Variants in CCDC175 observed in about 807,000 individuals in gnomAD.
CCDC175 encodes coiled-coil domain-containing protein 175.
CCDC175 carries 100 observed loss-of-function variants against 114.6 expected under a neutral mutation model. That is an observed-to-expected ratio of 0.87 (90% CI 0.74 to 1.03). The LOEUF (loss-of-function observed/expected upper bound fraction) is 1.03, where lower values mean the gene tolerates loss of function less well. CCDC175 is among the 50% of genes least tolerant of loss of function. The probability of loss-of-function intolerance (pLI) is 0.00; values close to 1 mark genes in which losing one functional copy is unlikely to be tolerated. For synonymous variants in CCDC175, 306 were observed against 308.7 expected, an observed-to-expected ratio of 0.99 and a Z score of 0.09; for missense variants, 880 against 917.8, an observed-to-expected ratio of 0.96 and a Z score of 0.53.
intron 6 of CCDC175, among the ~76,000 whole-genome samples, chr14:59,561,633 C>A (rs1566632619): frequency 6.6e-6 from 1 of 152,024 alleles, no homozygotes; most frequent in Non-Finnish European, 1.5e-5. Flanking sequence ...TCTTTTGTCT[C>A]CCTTGATATC....
chr14:59,534,182 A>G (rs953964064), intron 13 of CCDC175, among the ~76,000 whole-genome samples: 2 of 152,228 alleles, frequency 1.3e-5, no homozygotes, highest in East Asian at 3.9e-4. Flanking sequence ...ACTGTGGGGT[A>G]CTAGGTTCAG....
intron 7 of CCDC175, among the ~76,000 whole-genome samples, chr14:59,557,706 C>T (rs866284628): frequency 6.6e-6 from 1 of 151,694 alleles, no homozygotes; most frequent in Non-Finnish European, 1.5e-5. Flanking sequence ...CCCCATCTCC[C>T]CATATAACAT....
chr14:59,564,959 C>T (rs995918767), intron 5 of CCDC175, 88 bp downstream of exon 5: 14 of 1,044,758 alleles, frequency 1.3e-5, no homozygotes, highest in South Asian at 1.7e-5. Flanking sequence ...GGCTGCTTGC[C>T]AGCCTTGAGG....
Position 59,574,940 on chromosome 14 carries a change from T to C in CCDC175, c.243+3A>G, listed in dbSNP as rs1397936863. 5.7e-6 allele frequency: 8 copies of C among 1,401,138 alleles called. No individual in the cohort carries two copies. The highest frequency in any genetic ancestry group is 2.3e-5 in the Admixed American group (1 of 44,342). The allele number at this position is 1,401,138 out of a possible 1,614,324, so 86.8% of individuals were successfully genotyped here. ...GAAATGGTTCTTATAGATAATACAA[T>C]ACCAATTTCTTAACAGCTACAGCAA... On this transcript the variant is annotated splice_donor_region_variant and intron_variant, in intron 2 of 19. Transcript: ENST00000537690.
intron 5 of CCDC175, among the ~76,000 whole-genome samples, chr14:59,564,642 C>G (rs1202386225): frequency 6.6e-6 from 1 of 152,036 alleles, no homozygotes; most frequent in Non-Finnish European, 1.5e-5. Flanking sequence ...TGCTGCTGCT[C>G]TCTCTGATTC....
chr14:59,558,975 AG>A (rs1200731273), intron 7 of CCDC175, among the ~76,000 whole-genome samples: 1 of 152,176 alleles, frequency 6.6e-6, no homozygotes, highest in Non-Finnish European at 1.5e-5. Context: ...AGCTAAGTGA[AG>A]GAAGTACAAG....
chr14:59,546,274 A>G (rs1393720445), intron 8 of CCDC175, among the ~76,000 whole-genome samples: 2 of 152,226 alleles, frequency 1.3e-5, no homozygotes, highest in Non-Finnish European at 2.9e-5. Flanking sequence ...TTAGGTATAC[A>G]TGGACACAAA....
At position 59,551,379 on chromosome 14, in the gene CCDC175, AT is replaced by A; in HGVS notation, c.1010del (p.Asn337MetfsTer4). 1.2e-5 allele frequency: 18 copies of A among 1,441,742 alleles called. No individual in the cohort carries two copies. The highest frequency in any genetic ancestry group is 4.0e-5 in the South Asian group (3 of 75,012). The allele number at this position is 1,441,742 out of a possible 1,614,324, so 89.3% of individuals were successfully genotyped here. A position where few individuals can be genotyped will look rare whatever the true frequency, so the allele number is the denominator to read the frequency against. On this transcript the variant is annotated frameshift_variant, in exon 8 of 20. Coordinates refer to ENST00000537690, the MANE Select transcript of CCDC175 (RefSeq NM_001164399.2). LOFTEE classifies it high-confidence loss of function. The part of the protein sequence containing the change: ...KLDDISNDEK[N>X]EFLNKIKQLV... ...CCTGTTTTATCTTGTTCAGGAATTC[AT>A]TTTTTTCATCATTAGATATATCATC...
intron 16 of CCDC175, among the ~76,000 whole-genome samples, chr14:59,524,868 C>T (rs1893654814): frequency 6.6e-6 from 1 of 152,108 alleles, no homozygotes; most frequent in Non-Finnish European, 1.5e-5. Flanking sequence ...TCATACAGTG[C>T]AATACTATAC....
At chr14:59,521,023 A>G (rs1009210861) in intron 17 of CCDC175, among the ~76,000 whole-genome samples, 16 of 152,250 alleles carry the variant, frequency 1.1e-4, no homozygotes, top group Admixed American at 3.3e-4. Flanking sequence ...TTATATGTAA[A>G]GAACACTGTA....
chr14:59,526,930 GC>G (rs1461198813), intron 15 of CCDC175, among the ~76,000 whole-genome samples, 164 bp downstream of exon 15: 1 of 152,042 alleles, frequency 6.6e-6, no homozygotes, highest in Non-Finnish European at 1.5e-5. Context: ...GTATACATGT[GC>G]ATATATATGT....
At chr14:59,518,473 A>C (rs1276508513) in intron 17 of CCDC175, among the ~76,000 whole-genome samples, 2 of 152,210 alleles carry the variant, frequency 1.3e-5, no homozygotes, top group Non-Finnish European at 2.9e-5. Context: ...ACAAATTTAC[A>C]AGAAAAAAAC....
At chr14:59,574,196 G>T (rs565270069) in intron 2 of CCDC175, among the ~76,000 whole-genome samples, 1 of 152,202 alleles carries the variant, frequency 6.6e-6, no homozygotes, top group South Asian at 2.1e-4. Flanking sequence ...AGTAGTAAGA[G>T]TTTTATCAGC....
At chr14:59,536,021 G>GA (rs1365809210) in intron 13 of CCDC175, among the ~76,000 whole-genome samples, 1 of 152,322 alleles carries the variant, frequency 6.6e-6, no homozygotes, top group Middle Eastern at 3.4e-3. Context: ...GAGCTCCCCA[G>GA]AGAGAGTTTG....
chr14:59,541,220 G>A (rs1894763757), intron 10 of CCDC175, among the ~76,000 whole-genome samples: 1 of 152,156 alleles, frequency 6.6e-6, no homozygotes, highest in South Asian at 2.1e-4. Context: ...ACACATTGTT[G>A]AGGAACTCCA....
intron 13 of CCDC175, among the ~76,000 whole-genome samples, chr14:59,534,092 A>C (rs1266586122): frequency 6.6e-6 from 1 of 151,918 alleles, no homozygotes; most frequent in Non-Finnish European, 1.5e-5. Context: ...GCATTAATTC[A>C]TTCCATTGCC....
chr14:59,570,153 A>G (rs945640750), intron 3 of CCDC175, among the ~76,000 whole-genome samples: 9 of 151,186 alleles, frequency 6.0e-5, no homozygotes, highest in African/African-American at 2.2e-4. Flanking sequence ...GAGGTGCCTC[A>G]TTGGTGGCTG....
At position 59,551,199 on chromosome 14, in the gene CCDC175, G is replaced by A. The variant is rs75733263; in HGVS notation, c.1035+156C>T. ...TCTTTGATATAATTAAAGTACTTTG[G>A]GAGGAGATAAAATTTTTTAAATTAC... On this transcript the variant is annotated intron_variant, in intron 8 of 19. Transcript: ENST00000537690. 5.4e-4 allele frequency: 253 copies of A among 471,916 alleles called. 1 individual carries two copies. The highest frequency in any genetic ancestry group is 2.2e-3 in the Middle Eastern group (4 of 1,798). The allele number at this position is 471,916 out of a possible 1,614,324, so 29.2% of individuals were successfully genotyped here. A position where few individuals can be genotyped will look rare whatever the true frequency, so the allele number is the denominator to read the frequency against.
At position 59,538,707 on chromosome 14, in the gene CCDC175, C is replaced by T. The variant is rs544656880; in HGVS notation, c.1489G>A (p.Glu497Lys). The change falls in exon 12 of 20, where the codon GAG becomes AAG. Residue 497 changes from glutamate to lysine, a missense_variant and splice_region_variant. Transcript: ENST00000537690. ...CTAAGTTCTTTCAGTTCTCTTACCT[C>T]GTTAAGTAATTCAATTCGTCTAACT... ...AEVRRIELLN[E>K]TSFRQQEISG... The T allele has an allele frequency of 1.8e-5, 28 of 1,533,954 alleles. No individual in the cohort carries two copies. The East Asian group carries it at 3.2e-4, about 17-fold the overall frequency.
Sources: gnomAD v4.1 joint callset for allele counts (sites outside exome capture counted in the v4.1 genomes callset) on GRCh38, gnomAD v4.1.1 for gene constraint, MANE v1.5 for transcripts, NCBI Gene and HGNC (gene_info 2026-07-23, HGNC 2026-07-21) for gene names.